Variants in VPS37A observed in about 807,000 individuals in gnomAD.
The protein encoded by VPS37A is vacuolar protein sorting-associated protein 37A.
VPS37A carries 30 observed loss-of-function variants against 49.8 expected under a neutral mutation model. The observed-to-expected ratio is 0.60, with a 90% CI of 0.45 to 0.82. The LOEUF is 0.82. VPS37A is among the 40% of genes least tolerant of loss of function. VPS37A has a pLI of 0.00. For synonymous variants in VPS37A, 195 were observed against 160.6 expected, an observed-to-expected ratio of 1.21 and a Z score of -1.62; for missense variants, 593 against 464.4, an observed-to-expected ratio of 1.28 and a Z score of -2.55.
the VPS37A span, among the ~76,000 whole-genome samples, chr8:17,318,688 A>G: frequency 2.0e-5 from 3 of 152,232 alleles, no homozygotes; most frequent in South Asian, 6.2e-4. Context: ...TGCTACAGGT[A>G]TTGTGCATGT....
At chr8:17,328,683 G>GCA in the VPS37A span, among the ~76,000 whole-genome samples, 5 of 152,006 alleles carry the variant, frequency 3.3e-5, no homozygotes, top group African/African-American at 1.2e-4. Context: ...GTTCACTTAT[G>GCA]TACATCCTGC....
At chr8:17,320,100 T>C in the VPS37A span, among the ~76,000 whole-genome samples, 22 of 152,052 alleles carry the variant, frequency 1.4e-4, no homozygotes, top group Non-Finnish European at 2.1e-4. Flanking sequence ...TAGACGGGGT[T>C]AAATAAAATA....
In VPS37A at chr8:17,247,243, G is replaced by C. The variant is rs545669666; in HGVS notation, c.-2G>C. 44 of 1,569,176 alleles carry C rather than the reference G, an allele frequency of 2.8e-5. No homozygotes were observed. In the South Asian group the frequency reaches 4.8e-4, roughly 17 times the overall value. On this transcript the variant is annotated 5_prime_UTR_variant, in exon 1 of 12. Transcript: ENST00000324849. Reference sequence around the variant, plus strand: ...GGCCTCCGGCCCGTGGACCCGAGGAGGATGAGCTGGCTTTTTCCCCTGACC... The same window carrying C: ...GGCCTCCGGCCCGTGGACCCGAGGACGATGAGCTGGCTTTTTCCCCTGACC...
At chr8:17,263,900 C>A (rs541934098) in intron 1 of VPS37A, among the ~76,000 whole-genome samples, 1 of 152,284 alleles carries the variant, frequency 6.6e-6, no homozygotes, top group South Asian at 2.1e-4. Context: ...AAGATCGTGT[C>A]ACCACACTCC....
downstream of VPS37A, among the ~76,000 whole-genome samples, chr8:17,302,710 C>A (rs1020009478): frequency 3.1e-5 from 2 of 64,388 alleles, no homozygotes; most frequent in South Asian, 9.5e-4. Flanking sequence ...ATAACCCCCC[C>A]CCCCCCGCTT....
At chr8:17,303,288 G>T (rs1294619877), downstream of VPS37A, among the ~76,000 whole-genome samples, 1 of 152,086 alleles carries the variant, frequency 6.6e-6, no homozygotes, top group Non-Finnish European at 1.5e-5. Flanking sequence ...GCACTATGGA[G>T]GCTTTTGTTT....
At chr8:17,329,849 G>C in the VPS37A span, among the ~76,000 whole-genome samples, 1 of 152,140 alleles carries the variant, frequency 6.6e-6, no homozygotes, top group Admixed American at 6.5e-5. Context: ...ACTGTGACCT[G>C]AGACAATGTC....
the VPS37A span, among the ~76,000 whole-genome samples, chr8:17,322,987 G>A: frequency 4.6e-5 from 6 of 130,090 alleles, no homozygotes; most frequent in South Asian, 4.7e-4. Flanking sequence ...TTGCTCTGTC[G>A]CCCAGGCTGG....
chr8:17,300,168 T>G (rs3764796), downstream of VPS37A: 177,277 of 1,614,028 alleles, frequency 0.11, 11,248 homozygotes, highest in South Asian at 0.22. Flanking sequence ...TGGGCTCACT[T>G]TGCTTACTCT....
the VPS37A span, among the ~76,000 whole-genome samples, chr8:17,314,482 T>C: frequency 1.3e-5 from 2 of 152,170 alleles, no homozygotes; most frequent in African/African-American, 4.8e-5. Flanking sequence ...AGATTCAACT[T>C]TGTGAACTCT....
chr8:17,328,067 A>T, the VPS37A span, among the ~76,000 whole-genome samples: 34,180 of 152,174 alleles, frequency 0.22, 6,415 homozygotes, highest in African/African-American at 0.52. Flanking sequence ...AACAGTATTA[A>T]TCTAACAGTC....
chr8:17,309,279 G>T, the VPS37A span: 2 of 1,529,340 alleles, frequency 1.3e-6, no homozygotes, highest in Non-Finnish European at 1.8e-6. Context: ...TTACTTACCG[G>T]TGATTAAACT....
chr8:17,267,926 A>G (rs1020916698), intron 2 of VPS37A, among the ~76,000 whole-genome samples: 3 of 152,204 alleles, frequency 2.0e-5, no homozygotes, highest in African/African-American at 7.2e-5. Flanking sequence ...TCACCTGATA[A>G]AAATGCCTGA....
rs182709260 is a variant in VPS37A, at chr8:17,293,650, G to A, written c.*1-1337G>A. ...CTTCGGATGGAATTTTTGCATGGTC[G>A]TCATTTTTGTTGATGTTGATGCTAT... is the stretch of plus-strand genomic sequence containing the variant. On this transcript the variant is annotated intron_variant, in intron 11 of 11. Coordinates refer to ENST00000324849, the MANE Select transcript of VPS37A (RefSeq NM_152415.3). Among the ~76,000 whole-genome samples, 101 of 152,164 alleles carry A rather than the reference G, an allele frequency of 6.6e-4. 1 individual carries two copies. In the South Asian group the frequency reaches 0.012, roughly 18 times the overall value.
rs1487504910 is a variant in VPS37A at position 17,247,150 on chromosome 8, C to G, written c.-95C>G. The G allele has an allele frequency of 3.3e-6, 5 of 1,522,570 alleles. No homozygotes were observed. The highest frequency in any genetic ancestry group is 4.4e-6 in the Non-Finnish European group (5 of 1,129,416). 94.3% of individuals were successfully genotyped at this position (1,522,570 alleles called of 1,614,324 possible). A position where few individuals can be genotyped will look rare whatever the true frequency, so the allele number is the denominator to read the frequency against. ...CAGCGCTTGGGCCACGGACGTCCCACCCCGCTCCTCTGTCGCTGGAGAACC... is the reference window on the plus strand; with the variant it reads ...CAGCGCTTGGGCCACGGACGTCCCAGCCCGCTCCTCTGTCGCTGGAGAACC... On this transcript the variant is annotated 5_prime_UTR_variant, in exon 1 of 12. Coordinates refer to ENST00000324849, the MANE Select transcript of VPS37A (RefSeq NM_152415.3).
chr8:17,299,793 C>A (rs1429132431), downstream of VPS37A: 6 of 1,567,034 alleles, frequency 3.8e-6, no homozygotes, highest in Non-Finnish European at 8.7e-7. Context: ...TTACAATAAA[C>A]CACCTTGTTC....
chr8:17,247,144 G>A lies in VPS37A; in HGVS notation c.-101G>A, dbSNP rs1210665505. 4 of 1,499,944 alleles carry A rather than the reference G, an allele frequency of 2.7e-6. No homozygotes were observed. The African/African-American group carries it at 5.6e-5, about 21-fold the overall frequency. 92.9% of individuals were successfully genotyped at this position (1,499,944 alleles called of 1,614,324 possible). On this transcript the variant is annotated 5_prime_UTR_variant, in exon 1 of 12. Transcript: ENST00000324849. Reference sequence around the variant, plus strand: ...GGTCCCCAGCGCTTGGGCCACGGACGTCCCACCCCGCTCCTCTGTCGCTGG... The same window carrying A: ...GGTCCCCAGCGCTTGGGCCACGGACATCCCACCCCGCTCCTCTGTCGCTGG...
chr8:17,293,621 T>A (rs191240758), intron 11 of VPS37A, among the ~76,000 whole-genome samples: 39 of 152,294 alleles, frequency 2.6e-4, no homozygotes, highest in African/African-American at 8.7e-4. Context: ...TTGTTGTTGG[T>A]GACCTTCGGA....
chr8:17,288,038 T>C (rs1334148757), intron 11 of VPS37A, among the ~76,000 whole-genome samples: 1 of 152,210 alleles, frequency 6.6e-6, no homozygotes, highest in African/African-American at 2.4e-5. Context: ...TGAATTGTTT[T>C]ATGTGTTACT....
Sources: gnomAD v4.1 joint callset for allele counts (sites outside exome capture counted in the v4.1 genomes callset) on GRCh38, gnomAD v4.1.1 for gene constraint, MANE v1.5 for transcripts, NCBI Gene and HGNC (gene_info 2026-07-23, HGNC 2026-07-21) for gene names.